Variants in PEBP4 observed in about 807,000 individuals in gnomAD.
PEBP4 encodes phosphatidylethanolamine-binding protein 4.
PEBP4 carries 22 observed loss-of-function variants against 23.9 expected under a neutral mutation model. The observed-to-expected ratio is 0.92, with a 90% CI of 0.66 to 1.31. PEBP4 has a LOEUF of 1.31. PEBP4 is among the 40% of genes most tolerant of loss of function. The pLI, the probability that PEBP4 is intolerant of heterozygous loss-of-function variation, is 0.00. For missense variants in PEBP4, 324 were observed against 281.7 expected (o/e 1.15, Z -1.07); for synonymous variants, 112 against 99.3 (o/e 1.13, Z -0.76).
intron 3 of PEBP4, among the ~76,000 whole-genome samples, chr8:22,908,393 C>A (rs1543018): frequency 0.033 from 4,688 of 141,486 alleles, 86 homozygotes; most frequent in African/African-American, 0.055. Flanking sequence ...AACAAACAAA[C>A]AAAAAAAAAA....
At chr8:22,878,823 C>A (rs1198581952) in intron 3 of PEBP4, among the ~76,000 whole-genome samples, 1 of 152,206 alleles carries the variant, frequency 6.6e-6, no homozygotes, top group Non-Finnish European at 1.5e-5. Flanking sequence ...AGTATTCTTG[C>A]ATTTTAACTG....
intron 4 of PEBP4, among the ~76,000 whole-genome samples, chr8:22,771,622 G>C (rs1805719268): frequency 6.6e-6 from 1 of 152,226 alleles, no homozygotes; most frequent in African/African-American, 2.4e-5. Context: ...CAGGTAGAAG[G>C]TGAGACTTGA....
At position 22,865,957 on chromosome 8, in the gene PEBP4, C is replaced by A. The variant is rs1454078157; in HGVS notation, c.259-48222G>T. Among the ~76,000 whole-genome samples, 1 of 151,880 alleles carries A rather than the reference C, an allele frequency of 6.6e-6. No homozygotes were observed. The highest frequency in any genetic ancestry group is 2.4e-5 in the African/African-American group (1 of 41,376). ...TGGCCCGGCGCCGGGCGGTGCTGCC[C>A]GGAGAGCGCGCAGCCCCCAGCCGGC... On this transcript the variant is annotated intron_variant, in intron 3 of 6. Coordinates refer to ENST00000256404, the MANE Select transcript of PEBP4 (RefSeq NM_144962.3). This position sits in a 1 kb window ranked among gnomAD's most constrained non-coding sequence, Gnocchi z 6.9.
At chr8:22,836,621 G>C (rs1807210060) in intron 3 of PEBP4, among the ~76,000 whole-genome samples, 1 of 152,230 alleles carries the variant, frequency 6.6e-6, no homozygotes, top group Non-Finnish European at 1.5e-5. Context: ...ACATGGCTCT[G>C]GCTGTGTGCC....
At chr8:22,883,301 G>A (rs1362260546) in intron 3 of PEBP4, among the ~76,000 whole-genome samples, 1 of 152,192 alleles carries the variant, frequency 6.6e-6, no homozygotes, top group African/African-American at 2.4e-5. Context: ...AGTCCCATCA[G>A]TTTCTCACAC....
intron 3 of PEBP4, among the ~76,000 whole-genome samples, chr8:22,847,451 A>G (rs1465810895): frequency 1.3e-5 from 2 of 152,176 alleles, no homozygotes; most frequent in African/African-American, 4.8e-5. Context: ...GAACACCATC[A>G]TGGGGTGGCA....
At chr8:22,804,462 T>TTTTC (rs766553423) in intron 4 of PEBP4, among the ~76,000 whole-genome samples, 7 of 152,026 alleles carry the variant, frequency 4.6e-5, no homozygotes, top group African/African-American at 1.7e-4. Flanking sequence ...GATGCACATT[T>TTTTC]TTTCTTTCTT....
intron 4 of PEBP4, chr8:22,757,639 G>A (rs955831639): frequency 7.9e-5 from 12 of 152,188 alleles, no homozygotes; most frequent in African/African-American, 2.7e-4. Flanking sequence ...CCCTGCCCTC[G>A]GGGACAGTTA....
intron 3 of PEBP4, among the ~76,000 whole-genome samples, chr8:22,827,927 A>G (rs765985236): frequency 6.6e-6 from 1 of 152,200 alleles, no homozygotes; most frequent in Non-Finnish European, 1.5e-5. Context: ...TAGTGGGTGT[A>G]AACTGGTATC....
At chr8:22,923,354 C>T (rs1809252394) in intron 2 of PEBP4, among the ~76,000 whole-genome samples, 2 of 152,096 alleles carry the variant, frequency 1.3e-5, no homozygotes, top group African/African-American at 2.4e-5. Context: ...ATCACTTGAG[C>T]CCAGGAGTTA....
intron 6 of PEBP4, among the ~76,000 whole-genome samples, chr8:22,723,678 A>G (rs1376016178): frequency 6.6e-6 from 1 of 152,232 alleles, no homozygotes; most frequent in South Asian, 2.1e-4. Context: ...ACTTAAAAGT[A>G]TGTCTTTGGC....
chr8:22,742,077 G>A (rs1308738036), intron 4 of PEBP4, among the ~76,000 whole-genome samples: 2 of 152,154 alleles, frequency 1.3e-5, no homozygotes, highest in African/African-American at 4.8e-5. Flanking sequence ...CTCGAAGCTA[G>A]GCCTTCAGAG....
intron 6 of PEBP4, among the ~76,000 whole-genome samples, chr8:22,719,725 G>A (rs1394881621): frequency 6.0e-5 from 9 of 150,698 alleles, no homozygotes; most frequent in South Asian, 2.1e-4. Context: ...TGCTTTCCTC[G>A]TTTGCCCTGG....
At chr8:22,927,557 C>T (rs771150371) in intron 2 of PEBP4, 27 bp downstream of exon 2, 2 of 1,598,234 alleles carry the variant, frequency 1.3e-6, no homozygotes, top group Non-Finnish European at 1.7e-6. Flanking sequence ...CTCTGTGCCT[C>T]CCGCCTCCAA....
rs142223476 is a variant in PEBP4 at position 22,863,515 on chromosome 8, G to C, written c.259-45780C>G. Among the ~76,000 whole-genome samples, 903 of 152,284 alleles carry C rather than the reference G, an allele frequency of 5.9e-3. 4 individuals are homozygous for C. The highest frequency in any genetic ancestry group is 0.02 in the African/African-American group (839 of 41,564). ...GGGAGGGTTAGCTTCTGGCTGAAGT[G>C]TGCATGGGGCTTTTGATGAGGATGA... On this transcript the variant is annotated intron_variant, in intron 3 of 6. Coordinates refer to ENST00000256404, the MANE Select transcript of PEBP4 (RefSeq NM_144962.3).
intron 4 of PEBP4, among the ~76,000 whole-genome samples, chr8:22,809,658 G>A (rs1806575669): frequency 6.6e-6 from 1 of 152,188 alleles, no homozygotes; most frequent in Admixed American, 6.5e-5. Flanking sequence ...AGGACTGCAT[G>A]AGGTGCTTAT....
intron 3 of PEBP4, among the ~76,000 whole-genome samples, chr8:22,913,985 C>CTTT (rs1165242168): frequency 2.2e-4 from 27 of 123,096 alleles, no homozygotes; most frequent in Admixed American, 1.1e-3. Flanking sequence ...GGCCTGGCTA[C>CTTT]TTTTTTTTTT....
chr8:22,789,735 G>C (rs1182977779), intron 4 of PEBP4, among the ~76,000 whole-genome samples: 2 of 152,168 alleles, frequency 1.3e-5, no homozygotes, highest in Non-Finnish European at 2.9e-5. Flanking sequence ...CTTAAGAAAT[G>C]GATGCTCACC....
intron 1 of PEBP4, among the ~76,000 whole-genome samples, chr8:22,933,026 G>T (rs1378213198): frequency 6.7e-6 from 1 of 148,980 alleles, no homozygotes; most frequent in Non-Finnish European, 1.5e-5. Context: ...AAAAAGGTTG[G>T]AAATTTCATT....
Sources: allele counts gnomAD v4.1 joint callset (sites outside exome capture counted in the v4.1 genomes callset), GRCh38; gene constraint gnomAD v4.1.1; non-coding constraint Gnocchi (gnomAD v3.1); transcripts MANE v1.5; gene names NCBI Gene and HGNC (gene_info 2026-07-23, HGNC 2026-07-21).